MED19: variants seen among roughly 807,000 people sequenced by gnomAD.
MED19 encodes mediator complex subunit 19.
MED19 carries 4 observed loss-of-function variants against 19.9 expected under a neutral mutation model. The ratio of observed to expected loss-of-function variants is 0.20; its 90% confidence interval spans 0.10 to 0.46. MED19 has a LOEUF of 0.46. MED19 is among the 20% of genes least tolerant of loss of function. The pLI, the probability that MED19 is intolerant of heterozygous loss-of-function variation, is 0.99. For synonymous variants in MED19, 139 were observed against 119.6 expected, an observed-to-expected ratio of 1.16 and a Z score of -1.06; for missense variants, 303 against 318.7, an observed-to-expected ratio of 0.95 and a Z score of 0.38.
intron 1 of MED19, among the ~76,000 whole-genome samples, chr11:57,705,993 G>A (rs1046438426): frequency 1.3e-5 from 2 of 150,886 alleles, no homozygotes; most frequent in African/African-American, 2.4e-5. Flanking sequence ...TCTTGTCAAG[G>A]ACTTTTTTTT....
exon 5 of MED19, chr11:57,703,792 G>T: frequency 2.2e-6 from 1 of 463,202 alleles, no homozygotes; most frequent in Non-Finnish European, 3.7e-6. Flanking sequence ...AAAAGAGAGA[G>T]AAGAAAATTG....
chr11:57,710,821 G>A (rs1448502432), intron 1 of MED19, among the ~76,000 whole-genome samples: 1 of 152,004 alleles, frequency 6.6e-6, no homozygotes, highest in East Asian at 1.9e-4. Flanking sequence ...TTAGCCTCCT[G>A]AGTAGCTGGG....
At chr11:57,711,141 G>A (rs1272702964) in intron 1 of MED19, among the ~76,000 whole-genome samples, 1 of 152,226 alleles carries the variant, frequency 6.6e-6, no homozygotes, top group African/African-American at 2.4e-5. Context: ...ATTTAGAAAA[G>A]TGCTTGGTAC....
At chr11:57,704,435 A>G (rs1434732806) in intron 3 of MED19, 39 bp from the exon 4 acceptor site, 2 of 1,521,712 alleles carry the variant, frequency 1.3e-6, no homozygotes, top group Non-Finnish European at 1.8e-6. Context: ...TGTAAAGCTC[A>G]AAATCCTCTA....
intron 1 of MED19, among the ~76,000 whole-genome samples, chr11:57,711,661 A>C (rs1946614091): frequency 6.6e-6 from 1 of 152,046 alleles, no homozygotes. Flanking sequence ...GCCCTAGGTC[A>C]TTTTTTAGAG....
At chr11:57,712,055 G>A (rs1353982672) in exon 1 of MED19, 9 of 1,532,864 alleles carry the variant, frequency 5.9e-6, no homozygotes, top group Middle Eastern at 4.3e-4. Flanking sequence ...AGGCGGGGCC[G>A]TGCCGGGTCC....
chr11:57,712,029 C>T, exon 1 of MED19: 2 of 1,535,860 alleles, frequency 1.3e-6, no homozygotes, highest in Non-Finnish European at 1.8e-6. Flanking sequence ...CCAGGAGGAG[C>T]CGTGGCCGCG....
intron 3 of MED19, 25 bp downstream of exon 3, chr11:57,704,694 T>TTTTTTTA (rs1946486979): frequency 6.7e-7 from 1 of 1,483,934 alleles, no homozygotes; most frequent in Admixed American, 2.0e-5. Context: ...TTTTTTTTTT[T>TTTTTTTA]GCTTTGAATA....
At chr11:57,707,454 C>CAA (rs1271140518) in intron 1 of MED19, among the ~76,000 whole-genome samples, 1 of 152,136 alleles carries the variant, frequency 6.6e-6, no homozygotes, top group Non-Finnish European at 1.5e-5. Flanking sequence ...GAGGCACAGA[C>CAA]AATGTCTTGT....
chr11:57,711,178 G>A (rs1303930220), intron 1 of MED19, among the ~76,000 whole-genome samples: 1 of 152,146 alleles, frequency 6.6e-6, no homozygotes, highest in Non-Finnish European at 1.5e-5. Context: ...ATAATTTTTT[G>A]AATGAAGAGT....
exon 2 of MED19, chr11:57,705,090 A>T: frequency 6.2e-7 from 1 of 1,614,204 alleles, no homozygotes; most frequent in South Asian, 1.1e-5. Context: ...CATGGGAACC[A>T]GGCAGATCAA....
exon 1 of MED19, chr11:57,712,113 A>G: frequency 6.5e-7 from 1 of 1,527,922 alleles, no homozygotes; most frequent in Non-Finnish European, 8.8e-7. Flanking sequence ...CCTGGTCCGA[A>G]GCCGAGTGCG....
chr11:57,708,113 C>T (rs1029008488), intron 1 of MED19, among the ~76,000 whole-genome samples: 6 of 151,668 alleles, frequency 4.0e-5, no homozygotes, highest in African/African-American at 1.5e-4. Flanking sequence ...GGATTACAGG[C>T]GTGAACCACC....
chr11:57,711,916 C>A, intron 1 of MED19, 47 bp downstream of exon 1: 2 of 1,395,990 alleles, frequency 1.4e-6, no homozygotes, highest in South Asian at 3.3e-5. Flanking sequence ...CCCATCACCT[C>A]CTCTCTAAGA....
At chr11:57,711,613 CAG>C (rs1230773420) in intron 1 of MED19, among the ~76,000 whole-genome samples, 1 of 152,208 alleles carries the variant, frequency 6.6e-6, no homozygotes, top group African/African-American at 2.4e-5. Flanking sequence ...CTCCGCCTCC[CAG>C]AGTGTTGGGA....
intron 1 of MED19, among the ~76,000 whole-genome samples, chr11:57,707,647 ATC>A (rs1450047183): frequency 6.6e-6 from 1 of 151,822 alleles, no homozygotes; most frequent in Non-Finnish European, 1.5e-5. Context: ...ATGTCACAGT[ATC>A]TCTCCTCATA....
exon 1 of MED19, chr11:57,712,124 G>C: frequency 6.5e-7 from 1 of 1,530,102 alleles, no homozygotes; most frequent in Non-Finnish European, 8.8e-7. Flanking sequence ...GCCGAGTGCG[G>C]TTGGGGGCGG....
chr11:57,705,044 G>A lies in MED19; in HGVS notation c.403C>T (p.Pro135Ser), dbSNP rs568956910. The A allele has an allele frequency of 4.1e-5, 66 of 1,614,134 alleles. No homozygotes were observed. The highest frequency in any genetic ancestry group is 2.6e-4 in the South Asian group (24 of 91,078). Residue 135 changes from proline (P) to serine (S), a missense_variant, in exon 2 of 5, where the codon CCT becomes TCT. Transcript: ENST00000431606. ...GGATTGAAAGAGCTACTGAGAATAG[G>A]GGGCTTCTCAATGAGAGAGCGGAGG... is the stretch of plus-strand genomic sequence containing the variant.
intron 1 of MED19, among the ~76,000 whole-genome samples, chr11:57,706,735 A>AC (rs1946512069): frequency 6.6e-6 from 1 of 152,012 alleles, no homozygotes; most frequent in Non-Finnish European, 1.5e-5. Flanking sequence ...CCTGTCTCAA[A>AC]AAAAACAAAA....
Sources: gnomAD v4.1 joint callset for allele counts (sites outside exome capture counted in the v4.1 genomes callset) on GRCh38, gnomAD v4.1.1 for gene constraint, MANE v1.5 for transcripts, NCBI Gene and HGNC (gene_info 2026-07-23, HGNC 2026-07-21) for gene names.